The following CACNG3 variants were observed in gnomAD, a reference collection of about 807,000 sequenced individuals.
The protein encoded by CACNG3 is voltage-dependent calcium channel gamma-3 subunit.
Under a neutral mutation model 28.5 loss-of-function variants are expected in CACNG3, and 3 were observed. That is an observed-to-expected ratio of 0.11 (90% CI 0.05 to 0.27). The LOEUF (loss-of-function observed/expected upper bound fraction) is 0.27. Ranked by LOEUF, CACNG3 falls within the 10% of genes least tolerant of loss-of-function variation. CACNG3 has a pLI of 1.00. For missense variants in CACNG3, 236 were observed against 414.4 expected (o/e 0.57, Z 3.74); for synonymous variants, 174 against 162.2 (o/e 1.07, Z -0.55).
intron 1 of CACNG3, among the ~76,000 whole-genome samples, chr16:24,340,887 G>A (rs550179778): frequency 3.3e-5 from 5 of 152,262 alleles, no homozygotes; most frequent in East Asian, 1.9e-4. Context: ...CACCGGATCC[G>A]TCACCCAGAC....
chr16:24,339,031 C>T (rs1207803343), intron 1 of CACNG3, among the ~76,000 whole-genome samples: 1 of 152,200 alleles, frequency 6.6e-6, no homozygotes, highest in African/African-American at 2.4e-5. Context: ...TAATTTCACT[C>T]CACGTGCAGT....
chr16:24,321,081 T>G (rs567247702), intron 1 of CACNG3, among the ~76,000 whole-genome samples: 1 of 152,140 alleles, frequency 6.6e-6, no homozygotes, highest in Non-Finnish European at 1.5e-5. Flanking sequence ...TGTGATGAAA[T>G]CTTGCACCAT....
chr16:24,341,515 G>C (rs1021205244), intron 1 of CACNG3, among the ~76,000 whole-genome samples: 1 of 152,196 alleles, frequency 6.6e-6, no homozygotes, highest in African/African-American at 2.4e-5. Context: ...CTAATTAAAA[G>C]ATTTATGTGT....
At chr16:24,312,970 G>GAAAGA (rs1567216142) in intron 1 of CACNG3, among the ~76,000 whole-genome samples, 34 of 130,476 alleles carry the variant, frequency 2.6e-4, no homozygotes, top group African/African-American at 9.2e-4. Flanking sequence ...AGAAAGAAAA[G>GAAAGA]AAAGAAAGAA....
At chr16:24,300,620 C>CAA (rs111715020) in intron 1 of CACNG3, among the ~76,000 whole-genome samples, 23 of 109,488 alleles carry the variant, frequency 2.1e-4, no homozygotes, top group East Asian at 5.7e-4. Context: ...CAAAACAAGA[C>CAA]AAAAAAAAAA....
intron 1 of CACNG3, among the ~76,000 whole-genome samples, chr16:24,282,419 T>C (rs1596626459): frequency 1.3e-5 from 2 of 150,986 alleles, no homozygotes; most frequent in South Asian, 4.2e-4. Context: ...TTTTTTTTTT[T>C]AAACGGAATC....
At chr16:24,357,660 T>C (rs1354838022) in intron 3 of CACNG3, among the ~76,000 whole-genome samples, 1 of 152,212 alleles carries the variant, frequency 6.6e-6, no homozygotes, top group Non-Finnish European at 1.5e-5. Context: ...CGGTGGCCTC[T>C]ACCTTGCTCT....
At chr16:24,289,701 A>G (rs1272870928) in intron 1 of CACNG3, among the ~76,000 whole-genome samples, 3 of 152,210 alleles carry the variant, frequency 2.0e-5, no homozygotes, top group Non-Finnish European at 4.4e-5. Flanking sequence ...TGTGGGTAGC[A>G]CAGCACGCTC....
intron 1 of CACNG3, among the ~76,000 whole-genome samples, chr16:24,345,622 C>T (rs1899852865): frequency 6.6e-6 from 1 of 152,182 alleles, no homozygotes; most frequent in Non-Finnish European, 1.5e-5. Flanking sequence ...ATCTCTTGAA[C>T]CCGGGAGGCA....
intron 1 of CACNG3, among the ~76,000 whole-genome samples, chr16:24,341,866 G>A (rs149225080): frequency 1.2e-4 from 19 of 152,324 alleles, no homozygotes; most frequent in African/African-American, 2.6e-4. Context: ...TGTCAGCTAC[G>A]TCATCCAGGG....
chr16:24,294,960 G>A lies in CACNG3; in HGVS notation c.211+37995G>A, dbSNP rs535105110. On this transcript the variant is annotated intron_variant, in intron 1 of 3. Coordinates refer to ENST00000005284, the MANE Select transcript of CACNG3 (RefSeq NM_006539.4). ...GATAGATAGTGAGTATTCACTAGAT[G>A]TCAAGCACTGCAGATAGAGTGGTGT... 2.0e-4 allele frequency among the ~76,000 whole-genome samples: 31 copies of A among 152,308 alleles called. 1 individual carries two copies. Among genetic ancestry groups the A allele is most frequent in the Middle Eastern group, 6.8e-3 (2 of 294 alleles).
chr16:24,280,249 T>C (rs999799232), intron 1 of CACNG3, among the ~76,000 whole-genome samples: 1 of 152,240 alleles, frequency 6.6e-6, no homozygotes, highest in African/African-American at 2.4e-5. Flanking sequence ...CATCTGGTTT[T>C]AAGTGAACAT....
intron 1 of CACNG3, among the ~76,000 whole-genome samples, chr16:24,266,539 A>C (rs2048419144): frequency 2.6e-5 from 4 of 152,208 alleles, no homozygotes; most frequent in Non-Finnish European, 5.9e-5. Flanking sequence ...ACAAGGAAGA[A>C]AAAGAGGGAA....
At chr16:24,344,653 C>T (rs528258920) in intron 1 of CACNG3, among the ~76,000 whole-genome samples, 1 of 152,154 alleles carries the variant, frequency 6.6e-6, no homozygotes, top group Non-Finnish European at 1.5e-5. Context: ...GTCTTCTCTC[C>T]TGAACCTCCT....
chr16:24,257,372 A>G (rs147339291), intron 1 of CACNG3, among the ~76,000 whole-genome samples: 5,320 of 16,130 alleles, frequency 0.33, 589 homozygotes, highest in Non-Finnish European at 0.4. Flanking sequence ...GAGGGGGGAG[A>G]GAGAGAGAGA....
At chr16:24,316,190 G>C (rs1200636750) in intron 1 of CACNG3, among the ~76,000 whole-genome samples, 1 of 132,788 alleles carries the variant, frequency 7.5e-6, no homozygotes, top group African/African-American at 2.6e-5. Flanking sequence ...CCTGCTTTGG[G>C]GGACTCTCAG....
At chr16:24,322,499 G>A (rs948366710) in intron 1 of CACNG3, among the ~76,000 whole-genome samples, 1 of 151,738 alleles carries the variant, frequency 6.6e-6, no homozygotes, top group African/African-American at 2.4e-5. Flanking sequence ...CAAATCTCGT[G>A]CCAGGCAGTG....
At chr16:24,352,786 C>T (rs527967473) in intron 2 of CACNG3, among the ~76,000 whole-genome samples, 7 of 152,232 alleles carry the variant, frequency 4.6e-5, no homozygotes, top group East Asian at 1.9e-4. Context: ...GTGTTCCTCC[C>T]GCCTCAGCCT....
At chr16:24,333,827 C>A (rs879461950) in intron 1 of CACNG3, among the ~76,000 whole-genome samples, 6 of 152,110 alleles carry the variant, frequency 3.9e-5, no homozygotes, top group Non-Finnish European at 7.4e-5. Context: ...GGTGACAGAG[C>A]AAGACCCTAT....
Sources: gnomAD v4.1 joint callset for allele counts (sites outside exome capture counted in the v4.1 genomes callset) on GRCh38, gnomAD v4.1.1 for gene constraint, MANE v1.5 for transcripts, NCBI Gene and HGNC (gene_info 2026-07-23, HGNC 2026-07-21) for gene names.